The following RNF115 variants were observed in gnomAD, a reference collection of about 807,000 sequenced individuals.
RNF115 encodes ring finger protein 115.
RNF115 carries 31 observed loss-of-function variants against 39.2 expected under a neutral mutation model. The observed-to-expected ratio is 0.79, with a 90% CI of 0.59 to 1.07. The LOEUF (loss-of-function observed/expected upper bound fraction) is 1.07. Among genes scored for constraint, RNF115 ranks in the 50% least tolerant of loss-of-function variants. The pLI is 0.00. For missense variants in RNF115, 384 were observed against 381.7 expected, an observed-to-expected ratio of 1.01 and a Z score of -0.05; for synonymous variants, 124 against 131.0, an observed-to-expected ratio of 0.95 and a Z score of 0.37.
At chr1:145,781,400 A>G (rs1316430349) in intron 3 of RNF115, among the ~76,000 whole-genome samples, 2 of 152,204 alleles carry the variant, frequency 1.3e-5, no homozygotes, top group Non-Finnish European at 2.9e-5. Context: ...TTTTATTTCT[A>G]AGTTTTTTCT....
rs58589569 is a variant in RNF115, at chr1:145,753,714, A to G, written c.429-665T>C. ...CTGGATCTTCTGTGTTCTGGATGATATGCAATTTTTTTTCTTTTTTGAGAC... is the reference window on the plus strand; with the variant it reads ...CTGGATCTTCTGTGTTCTGGATGATGTGCAATTTTTTTTCTTTTTTGAGAC... On this transcript the variant is annotated intron_variant, in intron 4 of 8. Transcript: ENST00000582693. Among the ~76,000 whole-genome samples, 306 of 152,226 alleles carry G rather than the reference A, an allele frequency of 2.0e-3. 1 individual carries two copies. Among genetic ancestry groups the G allele is most frequent in the African/African-American group, 7.1e-3 (297 of 41,544 alleles).
intron 3 of RNF115, 100 bp from the exon 4 acceptor site, chr1:145,772,019 T>C (rs1647667345): frequency 1.1e-6 from 1 of 931,434 alleles, no homozygotes; most frequent in Admixed American, 2.4e-5. Flanking sequence ...CTGTGAATAT[T>C]ACTGTATGTC....
At position 145,771,915 on chromosome 1, in the gene RNF115, C is replaced by A. The variant is rs1647660846; in HGVS notation, c.224G>T (p.Trp75Leu). The A allele has an allele frequency of 6.2e-7, 1 of 1,612,942 alleles. No homozygotes were observed. The change falls in exon 4 of 9, where the codon TGG (tryptophan) becomes TTG (leucine). Residue 75 changes from tryptophan to leucine, a missense_variant. By Grantham distance (61) the Trp-to-Leu change is moderately conservative (BLOSUM62 -2). Coordinates refer to ENST00000582693, the MANE Select transcript of RNF115 (RefSeq NM_014455.4). ...AAACATCGTGTGATCCAAATGGCCCCAAAGCTAGTAAAGACCAGAAATAAG... is the reference window on the plus strand; with the variant it reads ...AAACATCGTGTGATCCAAATGGCCCAAAAGCTAGTAAAGACCAGAAATAAG... ...NTTTTHFAELWGHLDHTMFFQ... is the reference protein window; with the variant it reads ...NTTTTHFAELLGHLDHTMFFQ...
At chr1:145,753,828 T>C (rs1357754693) in intron 4 of RNF115, among the ~76,000 whole-genome samples, 6 of 152,324 alleles carry the variant, frequency 3.9e-5, no homozygotes, top group Admixed American at 3.9e-4. Flanking sequence ...GCAATTCTCC[T>C]GCCTTAGCCT....
chr1:145,775,464 T>C (rs1308368826), intron 3 of RNF115, among the ~76,000 whole-genome samples: 1 of 150,576 alleles, frequency 6.6e-6, no homozygotes, highest in Non-Finnish European at 1.5e-5. Context: ...GCCGTGATCA[T>C]GGTTCACTGC....
intron 5 of RNF115, among the ~76,000 whole-genome samples, chr1:145,752,722 G>A (rs782375490): frequency 6.6e-5 from 10 of 151,090 alleles, no homozygotes; most frequent in Non-Finnish European, 1.0e-4. Flanking sequence ...CGAGTAGCTG[G>A]GACTACAGAA....
chr1:145,794,572 C>T (rs1488546899), intron 1 of RNF115, among the ~76,000 whole-genome samples: 4 of 126,230 alleles, frequency 3.2e-5, no homozygotes, highest in South Asian at 2.6e-4. Flanking sequence ...TGCAGTGGTG[C>T]GATCTCCTAT....
At chr1:145,791,259 T>A (rs1553718921) in intron 1 of RNF115, among the ~76,000 whole-genome samples, 1 of 151,336 alleles carries the variant, frequency 6.6e-6, no homozygotes, top group African/African-American at 2.4e-5. Flanking sequence ...ATGCCTGTAA[T>A]CCCAGCACTT....
chr1:145,821,457 CTTTTT>C (rs1172613737), intron 1 of RNF115, among the ~76,000 whole-genome samples: 1,035 of 47,202 alleles, frequency 0.022, no homozygotes, highest in African/African-American at 0.056. Context: ...TCTTCTCACT[CTTTTT>C]TTTTTTTTTT....
intron 4 of RNF115, among the ~76,000 whole-genome samples, chr1:145,753,293 G>A (rs1337745164): frequency 6.6e-6 from 1 of 152,140 alleles, no homozygotes; most frequent in Non-Finnish European, 1.5e-5. Flanking sequence ...GCTGGAAAGG[G>A]ATCTGATGGT....
At chr1:145,794,730 T>C (rs1180683482) in intron 1 of RNF115, among the ~76,000 whole-genome samples, 3 of 151,628 alleles carry the variant, frequency 2.0e-5, no homozygotes, top group African/African-American at 7.3e-5. Flanking sequence ...AAAGATGGTG[T>C]GTCCTGACCA....
chr1:145,801,868 A>G (rs587725619), intron 1 of RNF115, among the ~76,000 whole-genome samples: 1 of 152,042 alleles, frequency 6.6e-6, no homozygotes, highest in East Asian at 1.9e-4. Flanking sequence ...GCTCACTGCA[A>G]CCTCTGCCTC....
intron 4 of RNF115, among the ~76,000 whole-genome samples, chr1:145,765,726 A>G (rs1553714693): frequency 6.6e-6 from 1 of 152,220 alleles, no homozygotes; most frequent in Non-Finnish European, 1.5e-5. Context: ...AGTCTATTCA[A>G]GACCTAATTA....
At chr1:145,766,103 A>G (rs1263571301) in intron 4 of RNF115, among the ~76,000 whole-genome samples, 1 of 152,092 alleles carries the variant, frequency 6.6e-6, no homozygotes, top group Non-Finnish European at 1.5e-5. Flanking sequence ...AGATAAGTGA[A>G]CAAAGGTCTC....
chr1:145,751,380 G>C, intron 6 of RNF115, 58 bp downstream of exon 6: 3 of 1,185,866 alleles, frequency 2.5e-6, no homozygotes, highest in Non-Finnish European at 3.7e-6. Context: ...AGGAAAGCAG[G>C]AAGCCTGTGG....
chr1:145,809,390 T>C (rs587601772), intron 1 of RNF115, among the ~76,000 whole-genome samples: 11 of 151,710 alleles, frequency 7.3e-5, no homozygotes, highest in South Asian at 2.1e-4. Context: ...TTCACTATGC[T>C]GGCTGGTCTC....
intron 1 of RNF115, among the ~76,000 whole-genome samples, chr1:145,800,162 A>G (rs1251247022): frequency 1.3e-5 from 2 of 152,192 alleles, no homozygotes; most frequent in East Asian, 3.8e-4. Context: ...CCATATACTG[A>G]GCAAACTTGC....
At chr1:145,781,952 G>A (rs1270364850) in intron 3 of RNF115, among the ~76,000 whole-genome samples, 1 of 149,562 alleles carries the variant, frequency 6.7e-6, no homozygotes, top group Non-Finnish European at 1.5e-5. Context: ...GCCCAGGCTG[G>A]AGTCCAGTGG....
chr1:145,774,165 C>T (rs1553716164), intron 3 of RNF115, among the ~76,000 whole-genome samples: 1 of 152,120 alleles, frequency 6.6e-6, no homozygotes, highest in Non-Finnish European at 1.5e-5. Context: ...AGAAGTCCTA[C>T]TCTACCATTT....
Sources: gnomAD v4.1 joint callset for allele counts (sites outside exome capture counted in the v4.1 genomes callset) on GRCh38, gnomAD v4.1.1 for gene constraint, MANE v1.5 for transcripts, NCBI Gene and HGNC (gene_info 2026-07-23, HGNC 2026-07-21) for gene names.